RCL1: variants seen among roughly 807,000 people sequenced by gnomAD.
RCL1 encodes RNA terminal phosphate cyclase like 1, also known as RNA 3'-terminal phosphate cyclase-like protein.
A neutral mutation model predicts 42.4 loss-of-function variants in RCL1; 24 were observed. The ratio of observed to expected loss-of-function variants is 0.57; its 90% CI spans 0.41 to 0.80. The LOEUF (loss-of-function observed/expected upper bound fraction) is 0.80. Ranked by LOEUF, RCL1 falls within the 30% of genes least tolerant of loss-of-function variation. The pLI, the probability that RCL1 is intolerant of heterozygous loss-of-function variation, is 0.00. For missense variants in RCL1, 578 were observed against 467.9 expected (o/e 1.24, Z -2.17); for synonymous variants, 228 against 177.3 (o/e 1.29, Z -2.27).
intron 8 of RCL1, among the ~76,000 whole-genome samples, chr9:4,852,076 T>C (rs1246437647): frequency 6.6e-6 from 1 of 151,252 alleles, no homozygotes; most frequent in African/African-American, 2.4e-5. Context: ...AGAGACGGGG[T>C]TTCACCATGT....
chr9:4,827,320 G>C, intron 3 of RCL1: 1 of 1,165,096 alleles, frequency 8.6e-7, no homozygotes, highest in Non-Finnish European at 1.2e-6. Flanking sequence ...ATGAACTATA[G>C]TTCTGCTGGC....
chr9:4,833,425 A>C (rs1174680833), intron 4 of RCL1, among the ~76,000 whole-genome samples, 197 bp downstream of exon 4: 3 of 152,216 alleles, frequency 2.0e-5, no homozygotes, highest in South Asian at 2.1e-4. Context: ...ATAGTAGCTG[A>C]CAGTGATGTT....
chr9:4,843,867 G>C (rs1050109245), intron 6 of RCL1, among the ~76,000 whole-genome samples: 1 of 152,118 alleles, frequency 6.6e-6, no homozygotes, highest in Admixed American at 6.5e-5. Context: ...AAATTCTCTA[G>C]GTGTCCCATG....
intron 1 of RCL1, among the ~76,000 whole-genome samples, chr9:4,800,540 C>T (rs1436157217): frequency 6.6e-6 from 1 of 151,460 alleles, no homozygotes; most frequent in African/African-American, 2.4e-5. Flanking sequence ...TTTATGTGAA[C>T]ATAGTCTTCC....
At chr9:4,836,830 G>A (rs1256691849) in intron 5 of RCL1, 1 of 152,290 alleles carries the variant, frequency 6.6e-6, no homozygotes, top group East Asian at 1.9e-4. Context: ...TGCTGGTTAA[G>A]ATAGAAGCTC....
intron 7 of RCL1, among the ~76,000 whole-genome samples, chr9:4,847,796 A>C (rs1471179368): frequency 1.3e-5 from 2 of 152,238 alleles, no homozygotes; most frequent in African/African-American, 4.8e-5. Flanking sequence ...CACAGGCAGC[A>C]GTGGTGCCTT....
intron 1 of RCL1, among the ~76,000 whole-genome samples, chr9:4,805,400 A>AAGGAGAAGGG (rs113815854): frequency 1.3e-5 from 2 of 150,130 alleles, no homozygotes; most frequent in Non-Finnish European, 3.0e-5. Context: ...AAGAAGAAGG[A>AAGGAGAAGGG]GAAGGGGAAG....
chr9:4,808,721 G>A lies in RCL1; in HGVS notation c.137-14827G>A, dbSNP rs373960852. On this transcript the variant is annotated intron_variant, in intron 1 of 8. Transcript: ENST00000381750. ...AGTTCAGGTATAAAAAACTTGAAAG[G>A]CAGTAAAAGCAGCATAAATCAGAGG... 8.5e-4 allele frequency among the ~76,000 whole-genome samples: 129 copies of A among 152,268 alleles called. 3 individuals carry two copies. In the South Asian group the frequency reaches 0.025, roughly 30 times the overall value.
chr9:4,817,018 C>T (rs1297537005), intron 1 of RCL1, among the ~76,000 whole-genome samples: 1 of 152,110 alleles, frequency 6.6e-6, no homozygotes, highest in Non-Finnish European at 1.5e-5. Flanking sequence ...GGGGTTTCAC[C>T]GTGTTAGCCA....
intron 6 of RCL1, 145 bp downstream of exon 6, chr9:4,841,502 C>T: frequency 1.5e-6 from 1 of 675,910 alleles, no homozygotes. Flanking sequence ...TTGCCGTTGT[C>T]ACCAACAGGC....
At chr9:4,809,784 C>T (rs556810376) in intron 1 of RCL1, among the ~76,000 whole-genome samples, 60 of 152,006 alleles carry the variant, frequency 3.9e-4, no homozygotes, top group African/African-American at 1.3e-3. Flanking sequence ...TTTTCTGTGT[C>T]ATGAAGTTAG....
intron 3 of RCL1, 41 bp from the exon 4 acceptor site, chr9:4,833,113 A>T: frequency 7.3e-7 from 1 of 1,376,664 alleles, no homozygotes; most frequent in Non-Finnish European, 1.0e-6. Context: ...TATTCTGCTG[A>T]AGGCTTAATT....
chr9:4,846,966 A>G (rs1181730751), intron 7 of RCL1, among the ~76,000 whole-genome samples: 1 of 150,706 alleles, frequency 6.6e-6, no homozygotes, highest in Non-Finnish European at 1.5e-5. Flanking sequence ...GCTCACTGCA[A>G]CCTCTGCCTT....
At chr9:4,857,931 C>CTTTTTT (rs34470773) in intron 8 of RCL1, among the ~76,000 whole-genome samples, 4,270 of 102,754 alleles carry the variant, frequency 0.042, 663 homozygotes, top group African/African-American at 0.15. Context: ...AGCTCTCCCA[C>CTTTTTT]TTTTTTTTTT....
At chr9:4,854,027 A>C (rs2129733706) in intron 8 of RCL1, among the ~76,000 whole-genome samples, 1 of 152,308 alleles carries the variant, frequency 6.6e-6, no homozygotes, top group Non-Finnish European at 1.5e-5. Flanking sequence ...GAGCTTGCAC[A>C]GTACCACTAT....
chr9:4,813,202 A>G (rs1265703101), intron 1 of RCL1, among the ~76,000 whole-genome samples: 1 of 152,212 alleles, frequency 6.6e-6, no homozygotes, highest in Non-Finnish European at 1.5e-5. Context: ...TAATTAAACT[A>G]AAGAGCTTCT....
At chr9:4,853,470 C>T (rs557113631) in intron 8 of RCL1, among the ~76,000 whole-genome samples, 1 of 152,174 alleles carries the variant, frequency 6.6e-6, no homozygotes, top group Admixed American at 6.5e-5. Flanking sequence ...TACAGGCGCC[C>T]GCCACCATGC....
chr9:4,849,589 G>C, intron 8 of RCL1, 39 bp downstream of exon 8: 1 of 1,493,196 alleles, frequency 6.7e-7, no homozygotes, highest in African/African-American at 1.4e-5. Context: ...TCTGTCCAGT[G>C]TAATTTTCTC....
intron 2 of RCL1, 116 bp from the exon 3 acceptor site, chr9:4,826,742 C>G: frequency 1.2e-6 from 1 of 854,008 alleles, no homozygotes; most frequent in South Asian, 1.7e-5. Flanking sequence ...GATGGCATTT[C>G]GAGCACTCTT....
Sources: gnomAD v4.1 joint callset for allele counts (sites outside exome capture counted in the v4.1 genomes callset) on GRCh38, gnomAD v4.1.1 for gene constraint, MANE v1.5 for transcripts, NCBI Gene and HGNC (gene_info 2026-07-23, HGNC 2026-07-21) for gene names.